ADGRA3: variants seen among roughly 807,000 people sequenced by gnomAD.
ADGRA3 encodes the protein G-protein coupled receptor 125.
In ADGRA3, 56 loss-of-function variants were observed where a neutral mutation model predicts 119.8. The ratio of observed to expected loss-of-function variants is 0.47; its 90% CI spans 0.38 to 0.58. The LOEUF (loss-of-function observed/expected upper bound fraction) is 0.58. Ranked by LOEUF, ADGRA3 falls within the 20% of genes least tolerant of loss-of-function variation. The pLI is 0.00. For missense variants in ADGRA3, 1,516 were observed against 1,649.0 expected (o/e 0.92, Z 1.40); for synonymous variants, 607 against 623.8 (o/e 0.97, Z 0.40).
intron 1 of ADGRA3, among the ~76,000 whole-genome samples, chr4:22,508,099 G>C (rs1471811825): frequency 6.6e-6 from 1 of 152,066 alleles, no homozygotes; most frequent in Non-Finnish European, 1.5e-5. Context: ...GGCGCTGTGC[G>C]AAGACAAGTC....
intron 1 of ADGRA3, among the ~76,000 whole-genome samples, chr4:22,474,946 G>A (rs1230362079): frequency 2.6e-5 from 4 of 152,208 alleles, no homozygotes; most frequent in Non-Finnish European, 5.9e-5. Context: ...GCATACCTCT[G>A]GATCAGAAGA....
intron 1 of ADGRA3, among the ~76,000 whole-genome samples, chr4:22,484,747 T>C (rs761209181): frequency 3.9e-5 from 6 of 152,092 alleles, no homozygotes; most frequent in Non-Finnish European, 8.8e-5. Context: ...GAAAAAAATA[T>C]GTACACGTTT....
chr4:22,469,177 C>T (rs1316657931), intron 2 of ADGRA3, among the ~76,000 whole-genome samples: 2 of 152,122 alleles, frequency 1.3e-5, no homozygotes, highest in Non-Finnish European at 2.9e-5. Context: ...GGAGGTGTCC[C>T]TGCACACTCT....
chr4:22,397,331 G>A lies in ADGRA3; in HGVS notation c.2481+4100C>T, dbSNP rs61796261. Among the ~76,000 whole-genome samples, 971 of 151,850 alleles carry A rather than the reference G, an allele frequency of 6.4e-3. 6 individuals are homozygous for A. Among genetic ancestry groups the A allele is most frequent in the Middle Eastern group, 0.044 (13 of 294 alleles). On this transcript the variant is annotated intron_variant, in intron 16 of 18. Coordinates refer to ENST00000334304, the MANE Select transcript of ADGRA3 (RefSeq NM_145290.4). ...TGATTACCTGGGACTACAGGCGAGCGCTACTACGCTCAGCTAATTTTTGTA... is the reference window on the plus strand; with the variant it reads ...TGATTACCTGGGACTACAGGCGAGCACTACTACGCTCAGCTAATTTTTGTA...
At position 22,388,349 on chromosome 4, in the gene ADGRA3, T is replaced by C. The variant is rs750684538; in HGVS notation, c.3322A>G (p.Asn1108Asp). ...CTNKSASSFK[N>D]SSQGCKLTNL... ...GTTAATTTGCAGCCCTGGGAGGAAT[T>C]TTTGAAGCTTGAAGCACTTTTGTTT... Residue 1108 changes from asparagine to aspartate, a missense_variant, in exon 19 of 19, where the codon AAT becomes GAT. Around this residue, in one of 2 missense-constraint regions of ADGRA3, gnomAD observed 1,088 missense variants for 1,107.1 expected, o/e 0.98. Transcript: ENST00000334304. The C allele has an allele frequency of 3.0e-5, 48 of 1,613,934 alleles. No homozygotes were observed. In the Middle Eastern group the frequency reaches 4.9e-4, roughly 17 times the overall value.
chr4:22,389,426 C>T (rs1289506419), intron 17 of ADGRA3, among the ~76,000 whole-genome samples: 1 of 151,360 alleles, frequency 6.6e-6, no homozygotes, highest in Non-Finnish European at 1.5e-5. Flanking sequence ...GAAAGCTGAT[C>T]GGCTTCTGCC....
Position 22,388,853 on chromosome 4 carries a change from T to A in ADGRA3, c.2818A>T (p.Ile940Phe), listed in dbSNP as rs1313825028. Residue 940 changes from isoleucine to phenylalanine, a missense_variant, in exon 19 of 19, where the codon ATT becomes TTT. Physicochemically the swap from Ile to Phe is conservative, Grantham distance 21. This residue lies in a region of ADGRA3 where 1,088 missense variants were observed against 1,107.1 expected (regional missense o/e 0.98). Coordinates refer to ENST00000334304, the MANE Select transcript of ADGRA3 (RefSeq NM_145290.4). ...VNCMYFLSIF[I>F]QLKRHPERKY... ...CGCTCAGGGTGTCTTTTCAACTGAA[T>A]AAATATGCTCAGAAAGTACATGCAG... The A allele has an allele frequency of 1.9e-6, 3 of 1,613,904 alleles. No individual in the cohort carries two copies. Among genetic ancestry groups the A allele is most frequent in the African/African-American group, 2.7e-5 (2 of 74,872 alleles).
chr4:22,480,910 G>A (rs1298099861), intron 1 of ADGRA3, among the ~76,000 whole-genome samples: 1 of 151,984 alleles, frequency 6.6e-6, no homozygotes, highest in Non-Finnish European at 1.5e-5. Flanking sequence ...TGAGGCCCTA[G>A]TATGCCTGTA....
chr4:22,428,894 T>C (rs1231764280), intron 10 of ADGRA3, among the ~76,000 whole-genome samples: 1 of 152,168 alleles, frequency 6.6e-6, no homozygotes, highest in Non-Finnish European at 1.5e-5. Flanking sequence ...GTTAAAGCTC[T>C]GATTTTACTG....
chr4:22,439,400 C>T (rs138374222), intron 7 of ADGRA3, among the ~76,000 whole-genome samples: 23 of 152,260 alleles, frequency 1.5e-4, no homozygotes, highest in Admixed American at 3.3e-4. Flanking sequence ...ATGTCAGAGC[C>T]TTCAATTAAC....
At chr4:22,484,578 C>G (rs1220998658) in intron 1 of ADGRA3, among the ~76,000 whole-genome samples, 1 of 149,072 alleles carries the variant, frequency 6.7e-6, no homozygotes, top group Admixed American at 6.7e-5. Flanking sequence ...GCACTCTAGC[C>G]TAGGCGATAG....
chr4:22,508,263 T>A (rs1195852795), intron 1 of ADGRA3, among the ~76,000 whole-genome samples: 1 of 152,102 alleles, frequency 6.6e-6, no homozygotes, highest in Non-Finnish European at 1.5e-5. Flanking sequence ...CTGAGTTGGG[T>A]ATTAAAGAAT....
rs149610029 is a variant in ADGRA3 at position 22,466,142 on chromosome 4, G to A, written c.330-4334C>T. Among the ~76,000 whole-genome samples, 43 of 152,238 alleles carry A rather than the reference G, an allele frequency of 2.8e-4. No individual in the cohort carries two copies. The East Asian group carries it at 7.9e-3, about 28-fold the overall frequency. ...CAGAAGGAAGTTCAGGTGCGTTAAG[G>A]TAACTTCCAAGGATACCCGTGGTCC... is the stretch of plus-strand genomic sequence containing the variant. On this transcript the variant is annotated intron_variant, in intron 2 of 18. Transcript: ENST00000334304.
intron 1 of ADGRA3, among the ~76,000 whole-genome samples, chr4:22,497,720 C>G (rs1718888899): frequency 7.8e-6 from 1 of 128,638 alleles, no homozygotes; most frequent in African/African-American, 3.0e-5. Flanking sequence ...CTACTTGAGG[C>G]GTACGTTACA....
chr4:22,431,114 C>T (rs1182443329), intron 10 of ADGRA3, among the ~76,000 whole-genome samples: 2 of 152,116 alleles, frequency 1.3e-5, no homozygotes, highest in Non-Finnish European at 1.5e-5. Flanking sequence ...TCATGGAGAA[C>T]CTCAGCTAGG....
intron 16 of ADGRA3, chr4:22,394,637 C>T (rs899418404): frequency 6.6e-6 from 1 of 152,134 alleles, no homozygotes; most frequent in Non-Finnish European, 1.5e-5. Flanking sequence ...GTGTCTCTGA[C>T]ACAAAGGTCA....
chr4:22,428,594 T>C (rs1234288939), intron 10 of ADGRA3, among the ~76,000 whole-genome samples: 2 of 152,182 alleles, frequency 1.3e-5, no homozygotes, highest in African/African-American at 2.4e-5. Flanking sequence ...ATTATCATCA[T>C]TGCAGCAGCT....
At chr4:22,437,860 C>T (rs1716456443) in intron 8 of ADGRA3, among the ~76,000 whole-genome samples, 1 of 152,008 alleles carries the variant, frequency 6.6e-6, no homozygotes, top group Non-Finnish European at 1.5e-5. Context: ...TGAAAAGTAC[C>T]TTAGCAATAT....
At chr4:22,494,706 T>C (rs2109155599) in intron 1 of ADGRA3, among the ~76,000 whole-genome samples, 1 of 152,166 alleles carries the variant, frequency 6.6e-6, no homozygotes, top group East Asian at 1.9e-4. Context: ...ACACTAAAGT[T>C]ATACAGTCAA....
Sources: allele counts gnomAD v4.1 joint callset (sites outside exome capture counted in the v4.1 genomes callset), GRCh38; gene constraint gnomAD v4.1.1; regional missense constraint gnomAD v4.1.1; transcripts MANE v1.5; gene names NCBI Gene and HGNC (gene_info 2026-07-23, HGNC 2026-07-21).